The following NEMP1 variants were observed in gnomAD, a reference collection of about 807,000 sequenced individuals.
NEMP1 encodes transmembrane protein 194.
A neutral mutation model predicts 53.7 loss-of-function variants in NEMP1; 29 were observed. That is an observed-to-expected ratio of 0.54 (90% confidence interval 0.40 to 0.74). NEMP1 has a LOEUF of 0.74. Among genes scored for constraint, NEMP1 ranks in the 30% least tolerant of loss-of-function variants. NEMP1 has a pLI of 0.00. For missense variants in NEMP1, 477 were observed against 528.6 expected, an observed-to-expected ratio of 0.90 and a Z score of 0.96; for synonymous variants, 193 against 192.9, an observed-to-expected ratio of 1.00 and a Z score of 0.00.
rs2031564836 is a variant in NEMP1 at position 57,057,162 on chromosome 12, T to A, written c.*2717A>T. On this transcript the variant is annotated 3_prime_UTR_variant, in exon 9 of 9. Transcript: ENST00000300128. ...GGAGTCTCTACATTAATGCTCTACATAATTTGGTCAGACTGATGAGAGGCA... is the reference window on the plus strand; with the variant it reads ...GGAGTCTCTACATTAATGCTCTACAAAATTTGGTCAGACTGATGAGAGGCA... 6.6e-6 allele frequency: 1 copy of A among 152,186 alleles called. No homozygotes were observed. The highest frequency in any genetic ancestry group is 2.4e-5 in the African/African-American group (1 of 41,452). 9.4% of individuals were successfully genotyped at this position (152,186 alleles called of 1,614,324 possible).
chr12:57,077,001 C>T (rs2032656050), intron 1 of NEMP1, among the ~76,000 whole-genome samples: 1 of 151,840 alleles, frequency 6.6e-6, no homozygotes, highest in African/African-American at 2.4e-5. Context: ...AACATCTGCA[C>T]ATACATTGGA....
intron 4 of NEMP1, among the ~76,000 whole-genome samples, chr12:57,068,834 G>A (rs1399546127): frequency 6.6e-6 from 1 of 152,158 alleles, no homozygotes; most frequent in Non-Finnish European, 1.5e-5. Context: ...CCAAAGTGCT[G>A]TGATTACAGG....
chr12:57,088,445 T>G (rs2033081371), upstream of NEMP1, among the ~76,000 whole-genome samples: 1 of 152,152 alleles, frequency 6.6e-6, no homozygotes, highest in African/African-American at 2.4e-5. Context: ...GTGCACACTA[T>G]ACGGGAGTCA....
chr12:57,065,062 A>G (rs1004289357), intron 4 of NEMP1, among the ~76,000 whole-genome samples: 1 of 152,240 alleles, frequency 6.6e-6, no homozygotes, highest in Non-Finnish European at 1.5e-5. Flanking sequence ...AAAACCTGCT[A>G]AAGATCATCT....
chr12:57,083,284 C>T (rs576698774), upstream of NEMP1, among the ~76,000 whole-genome samples: 4 of 152,304 alleles, frequency 2.6e-5, no homozygotes, highest in Admixed American at 6.5e-5. Context: ...AAACACATTA[C>T]AACTTATCAT....
intron 1 of NEMP1, among the ~76,000 whole-genome samples, chr12:57,085,241 G>A (rs1565669689): frequency 3.3e-5 from 5 of 151,976 alleles, no homozygotes; most frequent in Admixed American, 6.6e-5. Context: ...ATGCAGTGGC[G>A]CCATCAAGGC....
chr12:57,071,280 T>C (rs1177213602), intron 2 of NEMP1, among the ~76,000 whole-genome samples: 2 of 152,208 alleles, frequency 1.3e-5, no homozygotes, highest in African/African-American at 4.8e-5. Flanking sequence ...AAAAATGTTT[T>C]CCGTAATGAC....
chr12:57,082,960 G>A (rs995556689), upstream of NEMP1, among the ~76,000 whole-genome samples: 8 of 152,254 alleles, frequency 5.3e-5, no homozygotes, highest in South Asian at 1.7e-3. Context: ...AGTCAAGACT[G>A]CAATGAGCTG....
chr12:57,081,913 T>A, upstream of NEMP1, among the ~76,000 whole-genome samples: 2 of 108,846 alleles, frequency 1.8e-5, no homozygotes, highest in Non-Finnish European at 1.9e-5. Context: ...TCTCAAAAAA[T>A]AAGAAAACAA....
upstream of NEMP1, among the ~76,000 whole-genome samples, chr12:57,079,095 T>G (rs568047882): frequency 4.5e-4 from 68 of 152,378 alleles, no homozygotes; most frequent in African/African-American, 1.6e-3. Flanking sequence ...GAGGCCTCCT[T>G]GACCAAACTC....
In NEMP1 at chr12:57,058,826, G is replaced by A. The variant is rs2031655114; in HGVS notation, c.*1053C>T. Reference sequence around the variant, plus strand: ...GTGGTGAGAAAAGGCTGAAAGGAATGGACAGAGCATGTAGACAAAGGAAGG... The same window carrying A: ...GTGGTGAGAAAAGGCTGAAAGGAATAGACAGAGCATGTAGACAAAGGAAGG... On this transcript the variant is annotated 3_prime_UTR_variant, in exon 9 of 9. Coordinates refer to ENST00000300128, the MANE Select transcript of NEMP1 (RefSeq NM_001130963.2). 1 of 152,168 alleles carries A rather than the reference G, an allele frequency of 6.6e-6. No homozygotes were observed. The highest frequency in any genetic ancestry group is 2.1e-4 in the South Asian group (1 of 4,820). The allele number at this position is 152,168 out of a possible 1,614,324, so 9.4% of individuals were successfully genotyped here. A position where few individuals can be genotyped will look rare whatever the true frequency, so the allele number is the denominator to read the frequency against.
In NEMP1 at chr12:57,060,881, T is replaced by A. The variant is rs774801768; in HGVS notation, c.1045A>T (p.Ile349Leu). ...PRLLTEEEYR[I>L]QGEVETRKAL... ...TTTCGGGTTTCTACCTCTCCTTGTATCCGATATTCTTCTTCTGTCAGGAGA... is the reference window on the plus strand; with the variant it reads ...TTTCGGGTTTCTACCTCTCCTTGTAACCGATATTCTTCTTCTGTCAGGAGA... The change falls in exon 8 of 9, where the codon ATA becomes TTA. Residue 349 changes from isoleucine (I) to leucine (L), a missense_variant. Coordinates refer to ENST00000300128, the MANE Select transcript of NEMP1 (RefSeq NM_001130963.2). 2 of 1,614,208 alleles carry A rather than the reference T, an allele frequency of 1.2e-6. No homozygotes were observed. The highest frequency in any genetic ancestry group is 2.2e-5 in the East Asian group (1 of 44,874).
rs2031561110 is a variant in NEMP1, at chr12:57,057,076, A to T, written c.*2803T>A. ...TCTGTTGGTCTCTTGAAGCAATCTG[A>T]GTGGGAAAGGAAAGTGAAAGAAATG... is the stretch of plus-strand genomic sequence containing the variant. On this transcript the variant is annotated 3_prime_UTR_variant, in exon 9 of 9. Transcript: ENST00000300128. 1 of 152,152 alleles carries T rather than the reference A, an allele frequency of 6.6e-6. No individual in the cohort carries two copies. The highest frequency in any genetic ancestry group is 1.5e-5 in the Non-Finnish European group (1 of 68,022). The allele number at this position is 152,152 out of a possible 1,614,324, so 9.4% of individuals were successfully genotyped here. A position where few individuals can be genotyped will look rare whatever the true frequency, so the allele number is the denominator to read the frequency against.
Position 57,059,777 on chromosome 12 carries a change from T to C in NEMP1, c.*102A>G, listed in dbSNP as rs1360789450. 1.9e-6 allele frequency: 2 copies of C among 1,074,068 alleles called. No homozygotes were observed. Among genetic ancestry groups the C allele is most frequent in the Non-Finnish European group, 2.7e-6 (2 of 754,030 alleles). The allele number at this position is 1,074,068 out of a possible 1,614,324, so 66.5% of individuals were successfully genotyped here. A position where few individuals can be genotyped will look rare whatever the true frequency, so the allele number is the denominator to read the frequency against. On this transcript the variant is annotated 3_prime_UTR_variant, in exon 9 of 9. Transcript: ENST00000300128. ...TATTTCAGTAGGAGAATTTCTACCCTATCTATCTCACTCTGTTTCAAAGGG... is the reference window on the plus strand; with the variant it reads ...TATTTCAGTAGGAGAATTTCTACCCCATCTATCTCACTCTGTTTCAAAGGG...
At chr12:57,068,073 C>A (rs1169950872) in intron 4 of NEMP1, among the ~76,000 whole-genome samples, 1 of 150,082 alleles carries the variant, frequency 6.7e-6, no homozygotes, top group Admixed American at 6.7e-5. Flanking sequence ...AACCAGCCCC[C>A]CATTCCAGAT....
chr12:57,086,025 G>T (rs2032979959), intron 1 of NEMP1, among the ~76,000 whole-genome samples: 1 of 152,180 alleles, frequency 6.6e-6, no homozygotes, highest in African/African-American at 2.4e-5. Flanking sequence ...TGTACAAAGA[G>T]CAATGAGGAG....
At chr12:57,085,230 G>A (rs908279016) in intron 1 of NEMP1, among the ~76,000 whole-genome samples, 1 of 152,050 alleles carries the variant, frequency 6.6e-6, no homozygotes, top group African/African-American at 2.4e-5. Flanking sequence ...GTGGTGCAGG[G>A]ATGCAGTGGC....
intron 1 of NEMP1, among the ~76,000 whole-genome samples, chr12:57,085,911 G>A (rs935889084): frequency 3.3e-5 from 5 of 152,250 alleles, no homozygotes; most frequent in African/African-American, 1.2e-4. Flanking sequence ...GCACAGGCCT[G>A]TGAATAGGAT....
chr12:57,060,821 G>A lies in NEMP1; in HGVS notation c.1105C>T (p.Pro369Ser). 2 of 1,614,076 alleles carry A rather than the reference G, an allele frequency of 1.2e-6. No homozygotes were observed. Among genetic ancestry groups the A allele is most frequent in the Non-Finnish European group, 1.7e-6 (2 of 1,179,990 alleles). ...LEELREFCNS[P>S]DCSAWKTVSR... The stretch of plus-strand genomic sequence containing the variant: ...ACAGTCTTCCAAGCAGAGCAGTCTG[G>A]ACTGTTACAAAATTCTCGGAGCTCC... The change falls in exon 8 of 9, where the codon CCA (proline) becomes TCA (serine). Residue 369 changes from proline to serine, a missense_variant. Transcript: ENST00000300128.
Sources: gnomAD v4.1 joint callset for allele counts (sites outside exome capture counted in the v4.1 genomes callset) on GRCh38, gnomAD v4.1.1 for gene constraint, MANE v1.5 for transcripts, NCBI Gene and HGNC (gene_info 2026-07-23, HGNC 2026-07-21) for gene names.